Variants in RNF13 observed in about 807,000 individuals in gnomAD.
The protein encoded by RNF13 is ring finger protein 13.
RNF13 carries 19 observed loss-of-function variants against 37.7 expected under a neutral mutation model. The ratio of observed to expected loss-of-function variants is 0.50; its 90% CI spans 0.35 to 0.74. The LOEUF is 0.74. Among genes scored for constraint, RNF13 ranks in the 30% least tolerant of loss-of-function variants. The pLI is 0.01. For missense variants in RNF13, 375 were observed against 453.0 expected (o/e 0.83, Z 1.56); for synonymous variants, 144 against 157.8 (o/e 0.91, Z 0.65).
At chr3:149,940,540 T>C (rs1333579930) in intron 8 of RNF13, among the ~76,000 whole-genome samples, 1 of 152,214 alleles carries the variant, frequency 6.6e-6, no homozygotes, top group Non-Finnish European at 1.5e-5. Flanking sequence ...TTTATGTAGA[T>C]CTAAGATTCT....
intron 1 of RNF13, among the ~76,000 whole-genome samples, chr3:149,828,651 T>C (rs1407293207): frequency 6.6e-6 from 1 of 152,218 alleles, no homozygotes; most frequent in African/African-American, 2.4e-5. Context: ...TCTGTTTTTC[T>C]TAGCACTCCT....
chr3:149,861,686 TAGATAGAAG>T (rs896004509), intron 3 of RNF13, among the ~76,000 whole-genome samples: 19 of 152,082 alleles, frequency 1.2e-4, no homozygotes, highest in African/African-American at 4.6e-4. Context: ...AACATGCAGT[TAGATAGAAG>T]GTATAAGTTC....
chr3:149,925,788 A>T (rs930662545), intron 8 of RNF13, among the ~76,000 whole-genome samples: 1 of 152,180 alleles, frequency 6.6e-6, no homozygotes, highest in Admixed American at 6.5e-5. Context: ...GTAATGCAAA[A>T]TCATTTCCAA....
At chr3:149,836,980 G>T (rs2108353264) in intron 1 of RNF13, among the ~76,000 whole-genome samples, 1 of 152,344 alleles carries the variant, frequency 6.6e-6, no homozygotes, top group South Asian at 2.1e-4. Flanking sequence ...GCTTGCCAAT[G>T]GCCAGGGGAT....
At chr3:149,941,922 CATGTGGAT>C (rs1294359168) in intron 8 of RNF13, among the ~76,000 whole-genome samples, 16 of 21,066 alleles carry the variant, frequency 7.6e-4, no homozygotes, top group African/African-American at 2.4e-3. Flanking sequence ...TTTATTTAGG[CATGTGGAT>C]ATCCCAGTTT....
chr3:149,943,160 T>C (rs181653790), intron 8 of RNF13, among the ~76,000 whole-genome samples: 2 of 152,234 alleles, frequency 1.3e-5, no homozygotes, highest in East Asian at 3.9e-4. Flanking sequence ...TGTATCTGTC[T>C]CTCATTTTGG....
At chr3:149,847,156 A>G (rs1007423800) in intron 2 of RNF13, among the ~76,000 whole-genome samples, 5 of 152,224 alleles carry the variant, frequency 3.3e-5, no homozygotes, top group African/African-American at 4.8e-5. Context: ...TGAAAATATC[A>G]TAAGTAGAAT....
At chr3:149,831,077 G>C (rs1720986406) in intron 1 of RNF13, among the ~76,000 whole-genome samples, 1 of 152,266 alleles carries the variant, frequency 6.6e-6, no homozygotes, top group Non-Finnish European at 1.5e-5. Flanking sequence ...GAAATGCCTG[G>C]ATGTCCAGAC....
intron 8 of RNF13, among the ~76,000 whole-genome samples, chr3:149,946,398 T>C (rs1720776007): frequency 6.6e-6 from 1 of 152,246 alleles, no homozygotes; most frequent in Admixed American, 6.5e-5. Context: ...CTTATTTAAA[T>C]ATTTGTGGAC....
At chr3:149,859,620 A>AT (rs1724015039) in intron 3 of RNF13, among the ~76,000 whole-genome samples, 1 of 152,044 alleles carries the variant, frequency 6.6e-6, no homozygotes, top group Non-Finnish European at 1.5e-5. Flanking sequence ...TTTTTACTAG[A>AT]TTTTCTTAGT....
chr3:149,812,718 G>GT (rs1164819376), upstream of RNF13: 1 of 152,526 alleles, frequency 6.6e-6, no homozygotes, highest in African/African-American at 2.4e-5. Flanking sequence ...CTCTTTAGTA[G>GT]GTCGGGTGAG....
intron 3 of RNF13, among the ~76,000 whole-genome samples, chr3:149,865,240 A>G (rs932313928): frequency 6.6e-6 from 1 of 151,068 alleles, no homozygotes; most frequent in African/African-American, 2.4e-5. Flanking sequence ...CAGAAGTGGT[A>G]CTTATCAATG....
At chr3:149,909,098 T>C (rs1716717945) in intron 6 of RNF13, among the ~76,000 whole-genome samples, 1 of 152,184 alleles carries the variant, frequency 6.6e-6, no homozygotes, top group African/African-American at 2.4e-5. Flanking sequence ...CAAGTTCAGC[T>C]GTGGGAGACC....
At chr3:149,826,676 T>G (rs1311615258) in intron 1 of RNF13, among the ~76,000 whole-genome samples, 9 of 152,202 alleles carry the variant, frequency 5.9e-5, no homozygotes, top group Non-Finnish European at 1.0e-4. Context: ...AACATGCAGA[T>G]AAATATAAAG....
At chr3:149,890,640 G>A (rs1393537414) in intron 4 of RNF13, among the ~76,000 whole-genome samples, 1 of 152,168 alleles carries the variant, frequency 6.6e-6, no homozygotes, top group African/African-American at 2.4e-5. Flanking sequence ...AGTTCCCAGA[G>A]TCTGTACTTT....
chr3:149,921,650 C>T (rs1250233763), intron 8 of RNF13, among the ~76,000 whole-genome samples: 2 of 152,214 alleles, frequency 1.3e-5, no homozygotes, highest in Non-Finnish European at 2.9e-5. Flanking sequence ...TTTCTGGCTG[C>T]ATAGTATTCC....
intron 8 of RNF13, among the ~76,000 whole-genome samples, chr3:149,952,278 G>T (rs1411251038): frequency 3.3e-5 from 5 of 151,914 alleles, no homozygotes; most frequent in Non-Finnish European, 7.4e-5. Context: ...GAAATTTTAT[G>T]TATGACTTCC....
intron 1 of RNF13, among the ~76,000 whole-genome samples, chr3:149,820,278 C>T (rs1719892579): frequency 1.3e-5 from 2 of 151,722 alleles, no homozygotes; most frequent in South Asian, 4.2e-4. Flanking sequence ...TCTCAAACTC[C>T]TGGCCCCAAG....
intron 1 of RNF13, among the ~76,000 whole-genome samples, chr3:149,832,753 A>G (rs1432370941): frequency 6.6e-6 from 1 of 152,216 alleles, no homozygotes; most frequent in Non-Finnish European, 1.5e-5. Context: ...ACTATAAACA[A>G]TTTTATGCCA....
Sources: allele counts gnomAD v4.1 joint callset (sites outside exome capture counted in the v4.1 genomes callset), GRCh38; gene constraint gnomAD v4.1.1; transcripts MANE v1.5; gene names NCBI Gene and HGNC (gene_info 2026-07-23, HGNC 2026-07-21).